Variants in ADAMTS8 observed in about 807,000 individuals in gnomAD.
ADAMTS8 encodes the protein ADAM metallopeptidase with thrombospondin type 1 motif 8, also known as A disintegrin and metalloproteinase with thrombospondin motifs 8.
A neutral mutation model predicts 64.4 loss-of-function variants in ADAMTS8; 50 were observed. The ratio of observed to expected loss-of-function variants is 0.78; its 90% CI spans 0.62 to 0.98. The LOEUF (loss-of-function observed/expected upper bound fraction) is 0.98, where lower values mean the gene tolerates loss of function less well. ADAMTS8 is among the 50% of genes least tolerant of loss of function. ADAMTS8 has a pLI of 0.00. For missense variants in ADAMTS8, 1,192 were observed against 1,208.2 expected, an observed-to-expected ratio of 0.99 and a Z score of 0.20; for synonymous variants, 556 against 533.6, an observed-to-expected ratio of 1.04 and a Z score of -0.58.
chr11:130,424,863 A>G (rs536106407), intron 1 of ADAMTS8, among the ~76,000 whole-genome samples: 18 of 152,242 alleles, frequency 1.2e-4, no homozygotes, highest in Non-Finnish European at 2.6e-4. Flanking sequence ...CCACGGTGGC[A>G]GCAGGAGCAC....
chr11:130,408,934 CT>C lies in ADAMTS8; in HGVS notation c.1756del (p.Ser586AlafsTer57). On this transcript the variant is annotated frameshift_variant, in exon 7 of 9. Coordinates refer to ENST00000257359, the MANE Select transcript of ADAMTS8 (RefSeq NM_007037.6). LOFTEE classifies it high-confidence loss of function. ...CTTCTCACACTGCTGCTCCCTGAAG[CT>C]TTTCCCTAGAAAGAGGAAGAAACGG... ...HTEECPPDGK[S>X]FREQQCEKYN... 1 of 1,533,372 alleles carries C rather than the reference CT, an allele frequency of 6.5e-7. No individual in the cohort carries two copies. Among genetic ancestry groups the C allele is most frequent in the Non-Finnish European group, 8.8e-7 (1 of 1,139,568 alleles). The allele number at this position is 1,533,372 out of a possible 1,614,324, so 95.0% of individuals were successfully genotyped here. A position where few individuals can be genotyped will look rare whatever the true frequency, so the allele number is the denominator to read the frequency against.
Position 130,411,306 on chromosome 11 carries a change from A to C in ADAMTS8, c.1750+111T>G. ...ACCCAATTTACTCCCCTCTGGGAGT[A>C]ACTCTATATCCCGGGACACCCACTT... is the stretch of plus-strand genomic sequence containing the variant. On this transcript the variant is annotated intron_variant, in intron 6 of 8. Transcript: ENST00000257359. The surrounding 1 kb of genome is among the most constrained non-coding windows in gnomAD (Gnocchi z 4.2). 1.5e-6 allele frequency: 2 copies of C among 1,332,436 alleles called. No individual in the cohort carries two copies. The highest frequency in any genetic ancestry group is 2.1e-6 in the Non-Finnish European group (2 of 968,380). 82.5% of individuals were successfully genotyped at this position (1,332,436 alleles called of 1,614,324 possible). A position where few individuals can be genotyped will look rare whatever the true frequency, so the allele number is the denominator to read the frequency against.
At chr11:130,408,423 T>C (rs1214185110) in intron 8 of ADAMTS8, 41 bp downstream of exon 8, 1 of 1,608,828 alleles carries the variant, frequency 6.2e-7, no homozygotes, top group East Asian at 2.2e-5. Flanking sequence ...CCCATTATGC[T>C]CTTCTACCAA....
intron 8 of ADAMTS8, 150 bp from the exon 9 acceptor site, chr11:130,406,278 A>ATT: frequency 1.0e-6 from 1 of 979,316 alleles, no homozygotes; most frequent in Non-Finnish European, 1.5e-6. Context: ...GTTCTCAATA[A>ATT]ATTAGCTGTT....
intron 1 of ADAMTS8, among the ~76,000 whole-genome samples, chr11:130,426,947 G>A (rs929786762): frequency 1.3e-5 from 2 of 152,230 alleles, no homozygotes; most frequent in African/African-American, 4.8e-5. Context: ...AAGTTCTGCC[G>A]GGGCTGAGCG....
chr11:130,417,359 C>G (rs577761161), intron 2 of ADAMTS8, among the ~76,000 whole-genome samples: 1 of 151,924 alleles, frequency 6.6e-6, no homozygotes, highest in South Asian at 2.1e-4. Flanking sequence ...GGGGTTGAGG[C>G]GATTCTCCCA....
intron 1 of ADAMTS8, 26 bp from the exon 2 acceptor site, chr11:130,419,318 C>T (rs374285041): frequency 2.2e-5 from 36 of 1,613,140 alleles, no homozygotes; most frequent in African/African-American, 4.0e-5. Flanking sequence ...AGACAAGAGG[C>T]GGAGTGAAGG....
intron 4 of ADAMTS8, 57 bp from the exon 5 acceptor site, chr11:130,414,889 C>T: frequency 1.3e-6 from 2 of 1,483,156 alleles, no homozygotes; most frequent in Non-Finnish European, 9.0e-7. Flanking sequence ...GCCCTCTCAG[C>T]TCTTCATGGC....
At chr11:130,422,593 G>T (rs1862114865) in intron 1 of ADAMTS8, among the ~76,000 whole-genome samples, 1 of 152,186 alleles carries the variant, frequency 6.6e-6, no homozygotes, top group Non-Finnish European at 1.5e-5. Flanking sequence ...CTGAGCTGGG[G>T]GTGTGGAGAT....
chr11:130,422,310 G>A (rs1328670044), intron 1 of ADAMTS8, among the ~76,000 whole-genome samples: 1 of 152,112 alleles, frequency 6.6e-6, no homozygotes, highest in African/African-American at 2.4e-5. Context: ...GGCCAGTTGG[G>A]TGGGCCAGAG....
intron 6 of ADAMTS8, among the ~76,000 whole-genome samples, chr11:130,410,405 C>T (rs901493789): frequency 6.6e-6 from 1 of 152,186 alleles, no homozygotes. Flanking sequence ...CATCACTTTT[C>T]GTCCACACCT....
chr11:130,427,745 TCTC>T lies in ADAMTS8; in HGVS notation c.539_541del (p.Gly180del), dbSNP rs778894823. On this transcript the variant is annotated inframe_deletion, in exon 1 of 9. Coordinates refer to ENST00000257359, the MANE Select transcript of ADAMTS8 (RefSeq NM_007037.6). The stretch of plus-strand genomic sequence containing the variant: ...CTCCTCCTCGCTGTCCTCCTGGTGG[TCTC>T]CTCTCTCCTGCCTCTGACCCTCTCC... The T allele has an allele frequency of 6.3e-7, 1 of 1,595,528 alleles. No individual in the cohort carries two copies. Among genetic ancestry groups the T allele is most frequent in the South Asian group, 1.1e-5 (1 of 87,944 alleles).
Position 130,427,664 on chromosome 11 carries a change from G to T in ADAMTS8, c.623C>A (p.Thr208Lys). The change falls in exon 1 of 9, where the codon ACG (threonine) becomes AAG (lysine). Residue 208 changes from threonine (T) to lysine (K), a missense_variant. Coordinates refer to ENST00000257359, the MANE Select transcript of ADAMTS8 (RefSeq NM_007037.6). ...AGACACAAACCGCTTGGTCCTACTC[G>T]TGGCCCCCAGGGGCGGTGGCGGCTC... Reference protein sequence around the residue: ...ASEPPPPLGATSRTKRFVSEA... With the variant: ...ASEPPPPLGAKSRTKRFVSEA... 2 of 1,594,990 alleles carry T rather than the reference G, an allele frequency of 1.3e-6. No individual in the cohort carries two copies. Among genetic ancestry groups the T allele is most frequent in the Non-Finnish European group, 1.7e-6 (2 of 1,172,672 alleles).
chr11:130,427,853 G>C lies in ADAMTS8; in HGVS notation c.434C>G (p.Ala145Gly), dbSNP rs35468629. 61,783 of 1,538,330 alleles carry C rather than the reference G, an allele frequency of 0.04. 1,548 individuals are homozygous for C. Among genetic ancestry groups the C allele is most frequent in the South Asian group, 0.093 (7,769 of 83,986 alleles). ...CCAGCGCTGCAGGCGGTGCGGCTGA[G>C]CCAGGGAGCCCCCCGCGCCCTGCGG... The part of the protein sequence containing the change: ...IQPQGAGGSL[A>G]QPHRLQRWGP... Residue 145 changes from alanine (A) to glycine (G), a missense_variant, in exon 1 of 9, where the codon GCT becomes GGT. Ala to Gly is a moderately conservative substitution (Grantham distance 60). Transcript: ENST00000257359.
At chr11:130,425,386 C>G (rs867127529) in intron 1 of ADAMTS8, among the ~76,000 whole-genome samples, 85 of 152,234 alleles carry the variant, frequency 5.6e-4, no homozygotes, top group Middle Eastern at 3.4e-3. Context: ...TCTCCAGCGT[C>G]CAGGTGATCA....
intron 8 of ADAMTS8, 43 bp from the exon 9 acceptor site, chr11:130,406,171 C>T (rs369238941): frequency 1.9e-6 from 3 of 1,566,166 alleles, no homozygotes; most frequent in Non-Finnish European, 2.6e-6. Context: ...AGTGGCTGCC[C>T]AGCCCAGGTC....
At chr11:130,417,147 G>A in intron 2 of ADAMTS8, 72 bp from the exon 3 acceptor site, 1 of 1,591,734 alleles carries the variant, frequency 6.3e-7, no homozygotes, top group Non-Finnish European at 8.6e-7. Flanking sequence ...TGCAGGGCCG[G>A]GTGTGGCCAG....
Position 130,428,605 on chromosome 11 carries a change from G to T in ADAMTS8, c.-319C>A. The T allele has an allele frequency of 4.5e-6, 1 of 221,910 alleles. No homozygotes were observed. Among genetic ancestry groups the T allele is most frequent in the Non-Finnish European group, 7.6e-6 (1 of 131,578 alleles). 13.7% of individuals were successfully genotyped at this position (221,910 alleles called of 1,614,324 possible). A position where few individuals can be genotyped will look rare whatever the true frequency, so the allele number is the denominator to read the frequency against. On this transcript the variant is annotated 5_prime_UTR_variant, in exon 1 of 9. Transcript: ENST00000257359. ...TCCTGCCTCCTCCCCACCCCGGGAAGCACCGAGTGGGCTGCCGAGCCCTTC... is the reference window on the plus strand; with the variant it reads ...TCCTGCCTCCTCCCCACCCCGGGAATCACCGAGTGGGCTGCCGAGCCCTTC...
intron 1 of ADAMTS8, among the ~76,000 whole-genome samples, chr11:130,424,532 G>T (rs1019875930): frequency 6.6e-6 from 1 of 152,146 alleles, no homozygotes; most frequent in African/African-American, 2.4e-5. Flanking sequence ...AGAGGTAAAG[G>T]CTCTTCTCAT....
Sources: gnomAD v4.1 joint callset for allele counts (sites outside exome capture counted in the v4.1 genomes callset) on GRCh38, gnomAD v4.1.1 for gene constraint, Gnocchi (gnomAD v3.1) non-coding constraint, MANE v1.5 for transcripts, NCBI Gene and HGNC (gene_info 2026-07-23, HGNC 2026-07-21) for gene names.